LRRC71: variants seen among roughly 807,000 people sequenced by gnomAD.
LRRC71 encodes the protein leucine rich repeat containing 71, also known as leucine-rich repeat-containing protein 71.
LRRC71 carries 54 observed loss-of-function variants against 66.6 expected under a neutral mutation model. The observed-to-expected ratio is 0.81, with a 90% CI of 0.65 to 1.02. The LOEUF (loss-of-function observed/expected upper bound fraction) is 1.02, where lower values mean the gene tolerates loss of function less well. LRRC71 is among the 50% of genes least tolerant of loss of function. LRRC71 has a pLI of 0.00. For missense variants in LRRC71, 724 were observed against 718.0 expected (o/e 1.01, Z -0.10); for synonymous variants, 323 against 303.9 (o/e 1.06, Z -0.65).
At chr1:156,939,243 T>C in the LRRC71 span, 50 of 384,482 alleles carry the variant, frequency 1.3e-4, no homozygotes, top group Non-Finnish European at 1.9e-4. Context: ...AGACTGGTAC[T>C]GGTAGTTGGT....
chr1:156,938,790 A>G, the LRRC71 span: 10 of 437,004 alleles, frequency 2.3e-5, no homozygotes, highest in Non-Finnish European at 3.3e-5. Context: ...GCTGGAAGGG[A>G]GGCAGAGTGG....
At chr1:156,935,919 A>C (rs1393953300), downstream of LRRC71, 1 of 1,456,074 alleles carries the variant, frequency 6.9e-7, no homozygotes, top group Admixed American at 2.1e-5. Flanking sequence ...GAGTGTTGGG[A>C]TCCCCCCTAC....
chr1:156,933,782 G>A (rs1654690381), downstream of LRRC71, among the ~76,000 whole-genome samples: 1 of 152,196 alleles, frequency 6.6e-6, no homozygotes, highest in African/African-American at 2.4e-5. Flanking sequence ...ATACAGCAGT[G>A]TCCAAGATGG....
chr1:156,921,600 A>C (rs1170917736), intron 1 of LRRC71: 3 of 984,298 alleles, frequency 3.0e-6, no homozygotes, highest in Non-Finnish European at 3.6e-6. Flanking sequence ...TCTCTTTGTC[A>C]GTGCTGGTGG....
rs751343168 is a variant in LRRC71, at chr1:156,930,594, C to CGCAGCATCCTCCT, written c.1308_1320dup (p.Glu441GlnfsTer11). 1 of 1,566,496 alleles carries CGCAGCATCCTCCT rather than the reference C, an allele frequency of 6.4e-7. No homozygotes were observed. Among genetic ancestry groups the CGCAGCATCCTCCT allele is most frequent in the South Asian group, 1.2e-5 (1 of 84,770 alleles). ...GATCAAGATCGGGAGCAGAGAGAAG[C>CGCAGCATCCTCCT]GCAGCATCCTCCTGGAGTCCGAGGT... On this transcript the variant is annotated frameshift_variant, in exon 12 of 15. Transcript: ENST00000337428. LOFTEE classifies it high-confidence loss of function.
At chr1:156,939,880 C>T in the LRRC71 span, 208 of 1,608,620 alleles carry the variant, frequency 1.3e-4, 1 homozygote, top group Non-Finnish European at 1.7e-4. Flanking sequence ...TGGCAGCAGG[C>T]TCCACAGGAT....
At chr1:156,933,406 C>G (rs1284007376), downstream of LRRC71, among the ~76,000 whole-genome samples, 2 of 152,196 alleles carry the variant, frequency 1.3e-5, no homozygotes, top group African/African-American at 4.8e-5. Context: ...GGAGTGGGAG[C>G]AGGAGTAGGT....
At position 156,921,875 on chromosome 1, in the gene LRRC71, T is replaced by C. The variant is rs532133004; in HGVS notation, c.160+912T>C. Among the ~76,000 whole-genome samples, 160 of 152,058 alleles carry C rather than the reference T, an allele frequency of 1.1e-3. 1 individual carries two copies. The highest frequency in any genetic ancestry group is 3.8e-3 in the African/African-American group (157 of 41,468). On this transcript the variant is annotated intron_variant, in intron 1 of 14. Transcript: ENST00000337428. The stretch of plus-strand genomic sequence containing the variant: ...GGGAGTTGGGATAGGGCAGTGAGAA[T>C]GGTGAGGCTTGGTTGAGTTAGGCTC...
chr1:156,924,129 C>T, intron 2 of LRRC71, 31 bp downstream of exon 2: 1 of 1,546,204 alleles, frequency 6.5e-7, no homozygotes. Context: ...CCGGTGCCTG[C>T]CAGGGCCGCC....
intron 5 of LRRC71, 119 bp from the exon 6 acceptor site, chr1:156,927,083 G>A: frequency 1.3e-6 from 1 of 795,924 alleles, no homozygotes; most frequent in Non-Finnish European, 2.1e-6. Context: ...TATATTGGGG[G>A]GGCAATCCTT....
At chr1:156,939,374 T>C in the LRRC71 span, 2 of 845,390 alleles carry the variant, frequency 2.4e-6, no homozygotes, top group Non-Finnish European at 3.7e-6. Context: ...ATCTCGAATG[T>C]CCAACTCCAA....
At chr1:156,935,987 G>A (rs1654969659), downstream of LRRC71, 1 of 1,610,222 alleles carries the variant, frequency 6.2e-7, no homozygotes. Context: ...AGAGGATTTG[G>A]TGGTTTGTAC....
At chr1:156,936,569 TC>T (rs772897930), downstream of LRRC71, among the ~76,000 whole-genome samples, 10 of 143,548 alleles carry the variant, frequency 7.0e-5, no homozygotes, top group Non-Finnish European at 1.2e-4. Flanking sequence ...AACAGGCTCC[TC>T]CTGGTTTGTT....
downstream of LRRC71, among the ~76,000 whole-genome samples, chr1:156,934,101 C>T (rs1330999039): frequency 6.6e-6 from 1 of 152,174 alleles, no homozygotes; most frequent in Non-Finnish European, 1.5e-5. Context: ...ATGATGGTCA[C>T]CCCAGCTTCT....
rs1653520891 is a variant in LRRC71 at position 156,928,056 on chromosome 1, G to T, written c.996+52G>T. 6 of 1,511,992 alleles carry T rather than the reference G, an allele frequency of 4.0e-6. No homozygotes were observed. The East Asian group carries it at 1.5e-4, about 37-fold the overall frequency. 93.7% of individuals were successfully genotyped at this position (1,511,992 alleles called of 1,614,324 possible). ...AGCCGAGAGCCCCTCTGACCCTCGA[G>T]CCCACTCCCCAAGTCCGCTGCTTTT... is the stretch of plus-strand genomic sequence containing the variant. On this transcript the variant is annotated intron_variant, in intron 9 of 14. Transcript: ENST00000337428.
At chr1:156,935,846 T>C, downstream of LRRC71, 1 of 815,446 alleles carries the variant, frequency 1.2e-6, no homozygotes, top group Non-Finnish European at 1.9e-6. Context: ...CCAAGCAACA[T>C]GCGGGTCTCC....
At position 156,925,740 on chromosome 1, in the gene LRRC71, G is replaced by T. The variant is rs142619289; in HGVS notation, c.593+725G>T. On this transcript the variant is annotated intron_variant, in intron 5 of 14. Coordinates refer to ENST00000337428, the MANE Select transcript of LRRC71 (RefSeq NM_144702.3). ...GCACCCTGCCTCTTCTTGCTTCATGGTGGCGGGGGGGTACCCCTCCATGCA... is the reference window on the plus strand; with the variant it reads ...GCACCCTGCCTCTTCTTGCTTCATGTTGGCGGGGGGGTACCCCTCCATGCA... Among the ~76,000 whole-genome samples, 1,097 of 152,288 alleles carry T rather than the reference G, an allele frequency of 7.2e-3. 12 individuals carry two copies. Among genetic ancestry groups the T allele is most frequent in the African/African-American group, 0.025 (1,038 of 41,542 alleles).
chr1:156,932,891 A>T lies in LRRC71; in HGVS notation c.1602A>T (p.Ile534=), dbSNP rs757506903. The part of the protein sequence containing the change: ...CFAPQCPAYA[I]IQELMLPRDP... The stretch of plus-strand genomic sequence containing the variant: ...CCCCACAATGTCCTGCGTACGCCAT[A>T]ATCCAGGAGCTGATGTTGCCAAGGG... The change falls in exon 15 of 15, where the codon ATA becomes ATT. Residue 534 remains isoleucine, a synonymous_variant. Transcript: ENST00000337428. 1.2e-6 allele frequency: 2 copies of T among 1,608,704 alleles called. No homozygotes were observed. The highest frequency in any genetic ancestry group is 1.7e-6 in the Non-Finnish European group (2 of 1,177,680).
intron 9 of LRRC71, among the ~76,000 whole-genome samples, chr1:156,928,995 G>A (rs1427400483): frequency 6.6e-6 from 1 of 152,056 alleles, no homozygotes; most frequent in African/African-American, 2.4e-5. Context: ...ATAGCACCTG[G>A]CACTTAGCTC....
Sources: allele counts gnomAD v4.1 joint callset (sites outside exome capture counted in the v4.1 genomes callset), GRCh38; gene constraint gnomAD v4.1.1; transcripts MANE v1.5; gene names NCBI Gene and HGNC (gene_info 2026-07-23, HGNC 2026-07-21).